Variants in PUM2 observed in about 807,000 individuals in gnomAD.
PUM2 encodes the protein pumilio homolog 2.
A neutral mutation model predicts 124.5 loss-of-function variants in PUM2; 57 were observed. The observed-to-expected ratio is 0.46, with a 90% CI of 0.37 to 0.57. PUM2 has a LOEUF of 0.57. Among genes scored for constraint, PUM2 ranks in the 20% least tolerant of loss-of-function variants. The pLI is 0.00. For missense variants in PUM2, 1,065 were observed against 1,290.6 expected, an observed-to-expected ratio of 0.83 and a Z score of 2.68; for synonymous variants, 460 against 446.1, an observed-to-expected ratio of 1.03 and a Z score of -0.39.
chr2:20,322,210 T>C (rs544788252), intron 2 of PUM2, among the ~76,000 whole-genome samples: 6 of 152,266 alleles, frequency 3.9e-5, no homozygotes, highest in South Asian at 2.1e-4. Context: ...TGAGAAGATA[T>C]AGATCTGAGC....
intron 7 of PUM2, 135 bp downstream of exon 7, chr2:20,307,843 G>A: frequency 1.7e-6 from 2 of 1,167,486 alleles, no homozygotes; most frequent in Non-Finnish European, 2.3e-6. Context: ...AAACACCTTT[G>A]TCATACAACC....
intron 10 of PUM2, among the ~76,000 whole-genome samples, chr2:20,288,533 G>A (rs181960266): frequency 6.6e-6 from 1 of 152,272 alleles, no homozygotes; most frequent in East Asian, 1.9e-4. Context: ...AGGCAGAATA[G>A]CACAGTGGGG....
intron 1 of PUM2, among the ~76,000 whole-genome samples, chr2:20,349,394 T>C (rs772490432): frequency 6.6e-6 from 1 of 152,212 alleles, no homozygotes; most frequent in Non-Finnish European, 1.5e-5. Context: ...AAAATCGGAA[T>C]TTTAAAGAAA....
chr2:20,322,134 T>C (rs552528126), intron 2 of PUM2, among the ~76,000 whole-genome samples: 1 of 152,322 alleles, frequency 6.6e-6, no homozygotes, highest in East Asian at 1.9e-4. Context: ...TTTTAAATTA[T>C]TTATATAATT....
intron 8 of PUM2, 62 bp from the exon 9 acceptor site, chr2:20,294,580 G>GCTAC: frequency 6.7e-7 from 1 of 1,493,898 alleles, no homozygotes; most frequent in Non-Finnish European, 9.0e-7. Context: ...CATGAGGTTA[G>GCTAC]CTACCTATCA....
chr2:20,268,247 A>AT lies in PUM2; in HGVS notation c.1958-4788dup, dbSNP rs924683311. Among the ~76,000 whole-genome samples the AT allele has an allele frequency of 9.8e-5, 15 of 152,328 alleles. 1 individual carries two copies. The highest frequency in any genetic ancestry group is 3.6e-4 in the African/African-American group (15 of 41,580). ...TTCTGATAGAAGAGTATGGGGACTA[A>AT]TTAATTAGAATAAAAATAATTTAAT... On this transcript the variant is annotated intron_variant, in intron 13 of 20. Transcript: ENST00000361078.
intron 13 of PUM2, among the ~76,000 whole-genome samples, chr2:20,270,749 T>C (rs1668838327): frequency 6.6e-6 from 1 of 152,144 alleles, no homozygotes; most frequent in African/African-American, 2.4e-5. Flanking sequence ...TACTCAATAA[T>C]AAATTCATCA....
chr2:20,344,930 T>C (rs943694966), intron 1 of PUM2, among the ~76,000 whole-genome samples: 1 of 139,608 alleles, frequency 7.2e-6, no homozygotes, highest in Non-Finnish European at 1.5e-5. Context: ...TTGCAGTGAG[T>C]TGTGATAGTG....
intron 2 of PUM2, among the ~76,000 whole-genome samples, chr2:20,325,076 T>TGA (rs1338839208): frequency 6.6e-6 from 1 of 151,262 alleles, no homozygotes; most frequent in Admixed American, 6.6e-5. Flanking sequence ...AGAAGACTGG[T>TGA]GAGAGAGAGA....
chr2:20,308,119 T>A (rs1678775026), intron 6 of PUM2, 48 bp from the exon 7 acceptor site: 1 of 1,569,824 alleles, frequency 6.4e-7, no homozygotes, highest in Non-Finnish European at 8.7e-7. Flanking sequence ...AAATCTTTCA[T>A]TTCTAATTAG....
chr2:20,311,738 A>T, intron 4 of PUM2, 75 bp from the exon 5 acceptor site: 3 of 1,375,234 alleles, frequency 2.2e-6, no homozygotes, highest in Non-Finnish European at 3.0e-6. Flanking sequence ...GTGACCTAAC[A>T]CTACACTACA....
At chr2:20,310,584 G>T (rs1679378626) in intron 5 of PUM2, among the ~76,000 whole-genome samples, 1 of 151,986 alleles carries the variant, frequency 6.6e-6, no homozygotes, top group African/African-American at 2.4e-5. Flanking sequence ...CTTGTTAAAA[G>T]AGGTTTACTG....
chr2:20,263,113 A>G lies in PUM2; in HGVS notation c.2225+80T>C, dbSNP rs1343857914. On this transcript the variant is annotated intron_variant, in intron 14 of 20. Coordinates refer to ENST00000361078, the MANE Select transcript of PUM2 (RefSeq NM_015317.5). ...AAAGCTTCCAACTTTAATGCAGACT[A>G]AAGTCCAGAAAAATTTAAGCTTTTA... The G allele has an allele frequency of 7.9e-6, 11 of 1,389,634 alleles. No individual in the cohort carries two copies. The Admixed American group carries it at 8.2e-5, about 10-fold the overall frequency. The allele number at this position is 1,389,634 out of a possible 1,614,324, so 86.1% of individuals were successfully genotyped here.
At chr2:20,262,501 A>G (rs1666550395) in intron 14 of PUM2, among the ~76,000 whole-genome samples, 1 of 152,128 alleles carries the variant, frequency 6.6e-6, no homozygotes, top group Non-Finnish European at 1.5e-5. Flanking sequence ...GCATAGGTAC[A>G]CTCTTTAATG....
chr2:20,324,011 A>G (rs1422695694), intron 2 of PUM2, among the ~76,000 whole-genome samples: 2 of 151,498 alleles, frequency 1.3e-5, no homozygotes, highest in Non-Finnish European at 2.9e-5. Flanking sequence ...TAGTCTTCCT[A>G]TTACAGTGGG....
intron 13 of PUM2, among the ~76,000 whole-genome samples, chr2:20,272,155 AAATGAATGAATGAATG>A (rs60522777): frequency 6.7e-6 from 1 of 148,168 alleles, no homozygotes; most frequent in Non-Finnish European, 1.5e-5. Flanking sequence ...AGACTTCGTC[AAATGAATGAATGAATG>A]AATGAATGAA....
chr2:20,294,607 G>A, intron 8 of PUM2, 89 bp from the exon 9 acceptor site: 2 of 1,380,428 alleles, frequency 1.4e-6, no homozygotes. Context: ...TATAAAAGGG[G>A]GCAGGAAGAA....
intron 3 of PUM2, 43 bp from the exon 4 acceptor site, chr2:20,312,466 G>A: frequency 6.6e-7 from 1 of 1,520,086 alleles, no homozygotes; most frequent in East Asian, 2.4e-5. Flanking sequence ...ATACTTTTAA[G>A]TTAAACAAAA....
intron 2 of PUM2, among the ~76,000 whole-genome samples, chr2:20,324,029 T>A (rs888215406): frequency 6.6e-6 from 1 of 151,736 alleles, no homozygotes; most frequent in Non-Finnish European, 1.5e-5. Flanking sequence ...GGGTAAAGTT[T>A]AAGATAGAAT....
Sources: allele counts gnomAD v4.1 joint callset (sites outside exome capture counted in the v4.1 genomes callset), GRCh38; gene constraint gnomAD v4.1.1; transcripts MANE v1.5; gene names NCBI Gene and HGNC (gene_info 2026-07-23, HGNC 2026-07-21).